The following TMEM181 variants were observed in gnomAD, a reference collection of about 807,000 sequenced individuals.
TMEM181 encodes transmembrane protein 181.
Under a neutral mutation model 71.9 loss-of-function variants are expected in TMEM181, and 39 were observed. That is an observed-to-expected ratio of 0.54 (90% CI 0.42 to 0.71). TMEM181 has a LOEUF of 0.71. TMEM181 is among the 30% of genes least tolerant of loss of function. The pLI is 0.00. For synonymous variants in TMEM181, 245 were observed against 228.8 expected (o/e 1.07, Z -0.64); for missense variants, 595 against 583.0 (o/e 1.02, Z -0.21).
intron 10 of TMEM181, among the ~76,000 whole-genome samples, chr6:158,612,741 A>G (rs929405062): frequency 1.3e-5 from 2 of 152,192 alleles, no homozygotes; most frequent in African/African-American, 4.8e-5. Flanking sequence ...CCCATGTGTT[A>G]TTTTTTATTA....
chr6:158,584,144 A>AT, intron 4 of TMEM181, 100 bp downstream of exon 4: 1 of 978,600 alleles, frequency 1.0e-6, no homozygotes, highest in Non-Finnish European at 1.5e-6. Context: ...GTGCTCAAAG[A>AT]TAGATGTATA....
intron 1 of TMEM181, among the ~76,000 whole-genome samples, chr6:158,543,582 C>T (rs769645548): frequency 5.9e-5 from 9 of 152,234 alleles, no homozygotes; most frequent in Non-Finnish European, 8.8e-5. Flanking sequence ...GCCTTTTCTC[C>T]GGCTTCTGGT....
chr6:158,602,956 C>T (rs896935258), intron 6 of TMEM181, among the ~76,000 whole-genome samples: 1 of 152,136 alleles, frequency 6.6e-6, no homozygotes, highest in Non-Finnish European at 1.5e-5. Context: ...TGATGTCCAC[C>T]TTATCTTTGT....
In TMEM181 at chr6:158,634,428, T is replaced by TA. The variant is rs368761683; in HGVS notation, c.*2543dup. ...TAGTTATGTTAAAGTTTTGCGAACTTAAAGGGCTGACTTTAGTTCCTTCAT... is the reference window on the plus strand; with the variant it reads ...TAGTTATGTTAAAGTTTTGCGAACTTAAAAGGGCTGACTTTAGTTCCTTCAT... On this transcript the variant is annotated 3_prime_UTR_variant, in exon 17 of 17. Transcript: ENST00000684151. The TA allele has an allele frequency of 1.3e-5, 2 of 152,180 alleles. No individual in the cohort carries two copies. The highest frequency in any genetic ancestry group is 4.8e-5 in the African/African-American group (2 of 41,432). The allele number at this position is 152,180 out of a possible 1,614,324, so 9.4% of individuals were successfully genotyped here.
intron 1 of TMEM181, among the ~76,000 whole-genome samples, chr6:158,562,884 C>G (rs990258984): frequency 1.3e-5 from 2 of 152,182 alleles, no homozygotes; most frequent in African/African-American, 4.8e-5. Context: ...GAGGAAGTTT[C>G]TCTTTTCCCC....
At chr6:158,585,161 AT>A in intron 4 of TMEM181, 142 bp from the exon 5 acceptor site, 1 of 811,142 alleles carries the variant, frequency 1.2e-6, no homozygotes, top group South Asian at 2.9e-5. Flanking sequence ...CAATTAAGAG[AT>A]TTTCAAATGT....
chr6:158,597,303 C>T (rs559432866), intron 6 of TMEM181, among the ~76,000 whole-genome samples: 4 of 152,252 alleles, frequency 2.6e-5, no homozygotes, highest in South Asian at 2.1e-4. Context: ...CACCACACAC[C>T]GGGTAATTTA....
At chr6:158,605,105 C>A (rs1784869644) in intron 6 of TMEM181, among the ~76,000 whole-genome samples, 162 bp from the exon 7 acceptor site, 2 of 131,618 alleles carry the variant, frequency 1.5e-5, no homozygotes, top group South Asian at 4.9e-4. Flanking sequence ...TAGAGCGAGA[C>A]TCCATATCCA....
chr6:158,606,127 C>G (rs73796521), intron 7 of TMEM181, among the ~76,000 whole-genome samples: 1 of 150,388 alleles, frequency 6.6e-6, no homozygotes, highest in Non-Finnish European at 1.5e-5. Context: ...GAGCGAAGGG[C>G]GTGGGCGCTA....
At chr6:158,585,457 C>T (rs1783715528) in intron 5 of TMEM181, 32 bp downstream of exon 5, 2 of 1,521,618 alleles carry the variant, frequency 1.3e-6, no homozygotes, top group South Asian at 1.3e-5. Flanking sequence ...CACAGTCAGT[C>T]CTCAGGCTGT....
intron 4 of TMEM181, among the ~76,000 whole-genome samples, chr6:158,584,498 T>A (rs554092385): frequency 6.6e-6 from 1 of 152,346 alleles, no homozygotes; most frequent in East Asian, 1.9e-4. Context: ...CAAGGAATTA[T>A]CTGGCCCAAA....
chr6:158,615,865 C>T (rs966848736), intron 10 of TMEM181, among the ~76,000 whole-genome samples: 6 of 152,158 alleles, frequency 3.9e-5, no homozygotes, highest in Non-Finnish European at 8.8e-5. Flanking sequence ...GTTACCAGTA[C>T]CATGCTGTTT....
chr6:158,600,254 C>T (rs889945861), intron 6 of TMEM181, among the ~76,000 whole-genome samples: 6 of 152,072 alleles, frequency 3.9e-5, no homozygotes, highest in African/African-American at 1.2e-4. Flanking sequence ...CAACCGCTGC[C>T]TCCTGGGTTC....
chr6:158,536,886 G>A, intron 1 of TMEM181: 1 of 1,331,676 alleles, frequency 7.5e-7, no homozygotes, highest in Non-Finnish European at 9.6e-7. Context: ...CGCGGGCAGC[G>A]GCGGGGCGGC....
At position 158,620,778 on chromosome 6, in the gene TMEM181, G is replaced by C. The variant is rs1170286481; in HGVS notation, c.897-2772G>C. Among the ~76,000 whole-genome samples the C allele has an allele frequency of 6.6e-6, 1 of 152,210 alleles. No homozygotes were observed. Among genetic ancestry groups the C allele is most frequent in the Non-Finnish European group, 1.5e-5 (1 of 68,034 alleles). On this transcript the variant is annotated intron_variant, in intron 10 of 16. Transcript: ENST00000684151. This position sits in a 1 kb window ranked among gnomAD's most constrained non-coding sequence, Gnocchi z 4.5. ...AGCTGCCGCTGCCCACTGCTTCCTG[G>C]GTTGCAAGAGAGCCTCTGTCCCCAA...
chr6:158,581,447 T>C (rs1265736998), intron 3 of TMEM181, among the ~76,000 whole-genome samples: 2 of 152,044 alleles, frequency 1.3e-5, no homozygotes, highest in Non-Finnish European at 2.9e-5. Flanking sequence ...AAATGAAAAA[T>C]CCTTTAAAAA....
intron 13 of TMEM181, 83 bp from the exon 14 acceptor site, chr6:158,628,325 A>T (rs533266841): frequency 7.6e-7 from 1 of 1,311,934 alleles, no homozygotes; most frequent in Non-Finnish European, 1.1e-6. Context: ...GAAAGCTTGA[A>T]TGGGGTGAAT....
exon 1 of TMEM181, chr6:158,536,831 G>A (rs1375752302): frequency 6.5e-7 from 1 of 1,549,054 alleles, no homozygotes; most frequent in Non-Finnish European, 8.7e-7. Context: ...GCTCAAGGAG[G>A]ACCTCACGCC....
chr6:158,611,115 C>G (rs1785278650), intron 10 of TMEM181: 1 of 515,984 alleles, frequency 1.9e-6, no homozygotes, highest in East Asian at 5.2e-5. Flanking sequence ...CCAAGGGGCT[C>G]CTCAGTGGGT....
Sources: gnomAD v4.1 joint callset for allele counts (sites outside exome capture counted in the v4.1 genomes callset) on GRCh38, gnomAD v4.1.1 for gene constraint, Gnocchi (gnomAD v3.1) non-coding constraint, MANE v1.5 for transcripts, NCBI Gene and HGNC (gene_info 2026-07-23, HGNC 2026-07-21) for gene names.